The following SH3TC2 variants were observed in gnomAD, a reference collection of about 807,000 sequenced individuals.
SH3TC2 encodes the protein SH3 domain and tetratricopeptide repeat-containing protein 2.
SH3TC2 carries 87 observed loss-of-function variants against 124.5 expected under a neutral mutation model. The observed-to-expected ratio is 0.70, with a 90% CI of 0.59 to 0.84. The LOEUF is 0.84. Ranked by LOEUF, SH3TC2 falls within the 40% of genes least tolerant of loss-of-function variation. The pLI is 0.00. For missense variants in SH3TC2, 1,536 were observed against 1,566.4 expected (o/e 0.98, Z 0.33); for synonymous variants, 634 against 628.5 (o/e 1.01, Z -0.13).
At position 149,003,874 on chromosome 5, in the gene SH3TC2, C is replaced by G; in HGVS notation, c.*837G>C. On this transcript the variant is annotated 3_prime_UTR_variant, in exon 17 of 17. Coordinates refer to ENST00000515425, the MANE Select transcript of SH3TC2 (RefSeq NM_024577.4). ...CAAAAAAAAAAAAAAAAAAAAAAGA[C>G]ATGTATTGGTATTCTCTCCCATCCA... 2.8e-6 allele frequency: 1 copy of G among 356,110 alleles called. No individual in the cohort carries two copies. Among genetic ancestry groups the G allele is most frequent in the South Asian group, 2.1e-5 (1 of 46,912 alleles). The allele number at this position is 356,110 out of a possible 1,614,324, so 22.1% of individuals were successfully genotyped here. A position where few individuals can be genotyped will look rare whatever the true frequency, so the allele number is the denominator to read the frequency against.
intron 13 of SH3TC2, among the ~76,000 whole-genome samples, chr5:149,011,100 T>C (rs948271969): frequency 6.6e-6 from 1 of 152,262 alleles, no homozygotes; most frequent in African/African-American, 2.4e-5. Context: ...CCACTGCACC[T>C]GCAGCACAGT....
rs1001039200 is a variant in SH3TC2, at chr5:148,982,750, T to A, written c.*21961A>T. On this transcript the variant is annotated 3_prime_UTR_variant, in exon 17 of 17. Transcript: ENST00000515425. ...AAGAATACACAAGAAACTAATTTTT[T>A]AAATGTGGCCTATGGTAGGGAAATG... 6.6e-6 allele frequency among the ~76,000 whole-genome samples: 1 copy of A among 152,218 alleles called. No homozygotes were observed. The highest frequency in any genetic ancestry group is 1.5e-5 in the Non-Finnish European group (1 of 68,028).
intron 12 of SH3TC2, among the ~76,000 whole-genome samples, chr5:149,016,850 A>G (rs1753882288): frequency 6.6e-6 from 1 of 150,480 alleles, no homozygotes; most frequent in East Asian, 2.0e-4. Context: ...GCATGAACCC[A>G]GGAGGCGGAG....
In SH3TC2 at chr5:149,012,827, C is replaced by G; in HGVS notation, c.3054-93G>C. The G allele has an allele frequency of 3.5e-6, 5 of 1,416,680 alleles. No individual in the cohort carries two copies. In the South Asian group the frequency reaches 6.1e-5, roughly 17 times the overall value. 87.8% of individuals were successfully genotyped at this position (1,416,680 alleles called of 1,614,324 possible). On this transcript the variant is annotated intron_variant, in intron 12 of 16. Coordinates refer to ENST00000515425, the MANE Select transcript of SH3TC2 (RefSeq NM_024577.4). ...ATGAAACAGAAGCTCTGAGCAGGAA[C>G]AGCCATGTCCCACATCACACAGGGA...
intron 7 of SH3TC2, 98 bp downstream of exon 7, chr5:149,040,506 C>T: frequency 1.7e-6 from 2 of 1,171,040 alleles, no homozygotes; most frequent in Non-Finnish European, 1.3e-6. Flanking sequence ...AGAGACGAGA[C>T]AAAAATTCAC....
chr5:149,010,662 A>G (rs751550155), intron 13 of SH3TC2, among the ~76,000 whole-genome samples: 1 of 152,124 alleles, frequency 6.6e-6, no homozygotes, highest in Non-Finnish European at 1.5e-5. Flanking sequence ...TTACTAGTTA[A>G]GTATTTATTT....
In SH3TC2 at chr5:149,028,348, C is replaced by A. The variant is rs749850181; in HGVS notation, c.1384G>T (p.Glu462Ter). 9.9e-6 allele frequency: 16 copies of A among 1,614,176 alleles called. No individual in the cohort carries two copies. The highest frequency in any genetic ancestry group is 1.4e-5 in the Non-Finnish European group (16 of 1,180,044). Residue 462 changes from glutamate to a stop codon, truncating the protein, a stop_gained, in exon 11 of 17, where the codon GAG becomes TAG. Transcript: ENST00000515425. LOFTEE classifies it high-confidence loss of function. ...ATGGGGGCGAAGTTCTCAGCCTCCTCCTCCTGACCAGTGCTTAGGTCCATG... is the reference window on the plus strand; with the variant it reads ...ATGGGGGCGAAGTTCTCAGCCTCCTACTCCTGACCAGTGCTTAGGTCCATG... ...LLMDLSTGQE[E>*]EAENFAPILA... is the part of the protein sequence containing the mutation.
At chr5:149,045,961 C>T (rs758588180) in intron 3 of SH3TC2, 3 of 426,580 alleles carry the variant, frequency 7.0e-6, no homozygotes, top group Non-Finnish European at 1.4e-5. Flanking sequence ...TTTTATAATA[C>T]CTAAAAAAAA....
At position 148,999,791 on chromosome 5, in the gene SH3TC2, A is replaced by C. The variant is rs550230926; in HGVS notation, c.*4920T>G. Among the ~76,000 whole-genome samples the C allele has an allele frequency of 1.3e-5, 2 of 152,200 alleles. No individual in the cohort carries two copies. The highest frequency in any genetic ancestry group is 3.9e-4 in the East Asian group (2 of 5,166). On this transcript the variant is annotated 3_prime_UTR_variant, in exon 17 of 17. Coordinates refer to ENST00000515425, the MANE Select transcript of SH3TC2 (RefSeq NM_024577.4). ...TCTAGAATCATCTTTCCAAAGCACA[A>C]ATCTGACCATGTTTCTTTCAACTGC...
At chr5:149,039,663 T>C (rs1386878346) in intron 7 of SH3TC2, among the ~76,000 whole-genome samples, 2 of 152,224 alleles carry the variant, frequency 1.3e-5, no homozygotes, top group African/African-American at 4.8e-5. Context: ...TAACAACATT[T>C]AAGTTGGTTT....
rs769110034 is a variant in SH3TC2 at position 149,044,519 on chromosome 5, G to T, written c.385+14C>A. On this transcript the variant is annotated intron_variant, in intron 4 of 16. Transcript: ENST00000515425. ...GGAGGAGGTCATCCTCCACCTGCTTGCCTTGTACCATACCTAAATTAAGGT... is the reference window on the plus strand; with the variant it reads ...GGAGGAGGTCATCCTCCACCTGCTTTCCTTGTACCATACCTAAATTAAGGT... The T allele has an allele frequency of 1.2e-6, 2 of 1,604,932 alleles. No individual in the cohort carries two copies. The highest frequency in any genetic ancestry group is 8.5e-7 in the Non-Finnish European group (1 of 1,171,810).
rs35182601 is a variant in SH3TC2, at chr5:148,992,600, G to GTTTTTTT, written c.*12104_*12110dup. Among the ~76,000 whole-genome samples, 1 of 102,498 alleles carries GTTTTTTT rather than the reference G, an allele frequency of 9.8e-6. No homozygotes were observed. The highest frequency in any genetic ancestry group is 3.6e-5 in the African/African-American group (1 of 27,474). The allele number at this position is 102,498 out of a possible 152,430, so 67.2% of individuals were successfully genotyped here. A position where few individuals can be genotyped will look rare whatever the true frequency, so the allele number is the denominator to read the frequency against. On this transcript the variant is annotated 3_prime_UTR_variant, in exon 17 of 17. Transcript: ENST00000515425. ...ATAATTCCAAGAAGAGATTTCATTGGTTTTTTTTTTTTTTTTTTTTTTCAG... is the reference window on the plus strand; with the variant it reads ...ATAATTCCAAGAAGAGATTTCATTGGTTTTTTTTTTTTTTTTTTTTTTTTTTTTTCAG...
intron 12 of SH3TC2, among the ~76,000 whole-genome samples, chr5:149,024,013 A>T (rs1486965555): frequency 2.0e-5 from 3 of 152,122 alleles, no homozygotes; most frequent in Non-Finnish European, 4.4e-5. Flanking sequence ...TCTGTGGCTA[A>T]TACTATATAG....
At position 149,027,455 on chromosome 5, in the gene SH3TC2, C is replaced by A; in HGVS notation, c.2277G>T (p.Leu759=). Residue 759 remains leucine, a synonymous_variant, in exon 11 of 17, where the codon CTG becomes CTT. Transcript: ENST00000515425. ...GGTACACTTTGGAAAGGATGAGACA[C>A]AGGGCCCTCTGGGTGCTCCGGTCTG... ...ELADRSTQRA[L]CLILSKVYLE... The A allele has an allele frequency of 6.2e-7, 1 of 1,614,202 alleles. No individual in the cohort carries two copies. The highest frequency in any genetic ancestry group is 1.3e-5 in the African/African-American group (1 of 75,072).
chr5:149,022,504 A>G (rs1753991965), intron 12 of SH3TC2, among the ~76,000 whole-genome samples: 1 of 152,230 alleles, frequency 6.6e-6, no homozygotes, highest in Non-Finnish European at 1.5e-5. Context: ...GTTTAAATAT[A>G]GAATTATGGT....
rs996304357 is a variant in SH3TC2, at chr5:148,989,093, T to C, written c.*15618A>G. Among the ~76,000 whole-genome samples the C allele has an allele frequency of 1.7e-4, 26 of 152,322 alleles. No homozygotes were observed. The highest frequency in any genetic ancestry group is 6.0e-4 in the African/African-American group (25 of 41,576). On this transcript the variant is annotated 3_prime_UTR_variant, in exon 17 of 17. Transcript: ENST00000515425. ...ATTGTGGAAGAATTTGCTATTGTCATTGTTTTTTAACGTATTTTCTTTATA... is the reference window on the plus strand; with the variant it reads ...ATTGTGGAAGAATTTGCTATTGTCACTGTTTTTTAACGTATTTTCTTTATA...
At position 149,042,839 on chromosome 5, in the gene SH3TC2, T is replaced by C; in HGVS notation, c.386-2A>G. Reference sequence around the variant, plus strand: ...GTTCTAGACACATGGATACGTAGCCTAAGAAGTCAAGCCAACAAGATTTCT... The same window carrying C: ...GTTCTAGACACATGGATACGTAGCCCAAGAAGTCAAGCCAACAAGATTTCT... On this transcript the variant is annotated splice_acceptor_variant, in intron 4 of 16. Coordinates refer to ENST00000515425, the MANE Select transcript of SH3TC2 (RefSeq NM_024577.4). LOFTEE classifies it high-confidence loss of function. 1 of 1,614,100 alleles carries C rather than the reference T, an allele frequency of 6.2e-7. No homozygotes were observed.
At chr5:149,051,452 C>A (rs1754555415) in intron 2 of SH3TC2, among the ~76,000 whole-genome samples, 1 of 152,038 alleles carries the variant, frequency 6.6e-6, no homozygotes. Context: ...TTCATGTATT[C>A]ATTTATTTAT....
rs116550846 is a variant in SH3TC2 at position 149,060,867 on chromosome 5, T to A, written c.52+2104A>T. On this transcript the variant is annotated intron_variant, in intron 1 of 16. Transcript: ENST00000515425. ...AGATACAGTTTACAGCCAGGAAAACTGAGGTTCAAAAAACATGAGGGACTT... is the reference window on the plus strand; with the variant it reads ...AGATACAGTTTACAGCCAGGAAAACAGAGGTTCAAAAAACATGAGGGACTT... Among the ~76,000 whole-genome samples the A allele has an allele frequency of 2.3e-3, 350 of 152,314 alleles. 1 individual carries two copies. The highest frequency in any genetic ancestry group is 8.1e-3 in the African/African-American group (336 of 41,576).
Sources: allele counts gnomAD v4.1 joint callset (sites outside exome capture counted in the v4.1 genomes callset), GRCh38; gene constraint gnomAD v4.1.1; transcripts MANE v1.5; gene names NCBI Gene and HGNC (gene_info 2026-07-23, HGNC 2026-07-21).